SLCO3A1: variants seen among roughly 807,000 people sequenced by gnomAD.
SLCO3A1 encodes PGE1 transporter.
A neutral mutation model predicts 63.1 loss-of-function variants in SLCO3A1; 27 were observed. That is an observed-to-expected ratio of 0.43 (90% CI 0.32 to 0.59). The LOEUF is 0.59. Ranked by LOEUF, SLCO3A1 falls within the 20% of genes least tolerant of loss-of-function variation. SLCO3A1 has a pLI of 0.09. For missense variants in SLCO3A1, 773 were observed against 945.8 expected, an observed-to-expected ratio of 0.82 and a Z score of 2.40; for synonymous variants, 473 against 409.9, an observed-to-expected ratio of 1.15 and a Z score of -1.86.
chr15:92,131,855 G>A (rs1291663199), intron 7 of SLCO3A1, among the ~76,000 whole-genome samples: 1 of 146,142 alleles, frequency 6.8e-6, no homozygotes, highest in East Asian at 1.9e-4. Context: ...CCAGGGCTGT[G>A]TTAGTGCCCT....
chr15:92,044,375 T>G (rs1367913431), intron 2 of SLCO3A1, among the ~76,000 whole-genome samples: 1 of 152,176 alleles, frequency 6.6e-6, no homozygotes, highest in East Asian at 1.9e-4. Context: ...GCAGGCATAT[T>G]CTGTCTGCTA....
At chr15:92,099,056 C>T (rs1459191607) in intron 3 of SLCO3A1, among the ~76,000 whole-genome samples, 1 of 152,262 alleles carries the variant, frequency 6.6e-6, no homozygotes, top group African/African-American at 2.4e-5. Flanking sequence ...CGGCTCCCTT[C>T]CATGGACAAA....
rs997401988 is a variant in SLCO3A1 at position 91,875,927 on chromosome 15, G to A, written c.180+21839G>A. Reference sequence around the variant, plus strand: ...GCAAAGCCTAAAATAGCTGCTATCTGGCCTTTACAGAAAAGGTTTGCTACC... The same window carrying A: ...GCAAAGCCTAAAATAGCTGCTATCTAGCCTTTACAGAAAAGGTTTGCTACC... On this transcript the variant is annotated intron_variant, in intron 1 of 9. Transcript: ENST00000318445. The surrounding 1 kb of genome is among the most constrained non-coding windows in gnomAD (Gnocchi z 4.5). Among the ~76,000 whole-genome samples, 2 of 152,068 alleles carry A rather than the reference G, an allele frequency of 1.3e-5. No individual in the cohort carries two copies. Among genetic ancestry groups the A allele is most frequent in the East Asian group, 1.9e-4 (1 of 5,186 alleles).
chr15:91,920,354 A>C (rs946759221), intron 2 of SLCO3A1, among the ~76,000 whole-genome samples: 2 of 152,198 alleles, frequency 1.3e-5, no homozygotes, highest in Non-Finnish European at 2.9e-5. Flanking sequence ...TGGGCATACA[A>C]ATTGCAGCAG....
intron 1 of SLCO3A1, among the ~76,000 whole-genome samples, chr15:91,881,723 A>G (rs191786165): frequency 1.6e-4 from 24 of 152,300 alleles, no homozygotes; most frequent in Admixed American, 7.8e-4. Flanking sequence ...TGGAGAATGC[A>G]AGTCCCCTGT....
intron 7 of SLCO3A1, among the ~76,000 whole-genome samples, chr15:92,129,260 T>C (rs1242153282): frequency 6.6e-6 from 1 of 152,198 alleles, no homozygotes; most frequent in African/African-American, 2.4e-5. Flanking sequence ...TTCTGTAACA[T>C]AGCAAATGAC....
intron 7 of SLCO3A1, among the ~76,000 whole-genome samples, chr15:92,139,452 C>G (rs1403827513): frequency 6.6e-6 from 1 of 152,120 alleles, no homozygotes; most frequent in Non-Finnish European, 1.5e-5. Context: ...TTGGTTGTGT[C>G]TCTGCCCAGC....
rs765929589 is a variant in SLCO3A1 at position 91,872,215 on chromosome 15, A to T, written c.180+18127A>T. Among the ~76,000 whole-genome samples the T allele has an allele frequency of 6.6e-6, 1 of 152,164 alleles. No homozygotes were observed. Among genetic ancestry groups the T allele is most frequent in the Non-Finnish European group, 1.5e-5 (1 of 68,042 alleles). The stretch of plus-strand genomic sequence containing the variant: ...CATTATTTCTCTTTTCCGTATAAGG[A>T]AATAGGGCTCACTTCTAGAAGTTAA... On this transcript the variant is annotated intron_variant, in intron 1 of 9. Coordinates refer to ENST00000318445, the MANE Select transcript of SLCO3A1 (RefSeq NM_013272.4). This position sits in a 1 kb window ranked among gnomAD's most constrained non-coding sequence, Gnocchi z 4.1.
At chr15:91,958,325 A>G (rs1346783303) in intron 2 of SLCO3A1, among the ~76,000 whole-genome samples, 1 of 152,040 alleles carries the variant, frequency 6.6e-6, no homozygotes. Context: ...TCCAGGATCA[A>G]CCGTACTTCA....
rs138390864 is a variant in SLCO3A1, at chr15:91,910,018, G to C, written c.181-5975G>C. Among the ~76,000 whole-genome samples, 843 of 152,116 alleles carry C rather than the reference G, an allele frequency of 5.5e-3. 11 individuals carry two copies. The highest frequency in any genetic ancestry group is 0.019 in the African/African-American group (805 of 41,498). On this transcript the variant is annotated intron_variant, in intron 1 of 9. Transcript: ENST00000318445. ...GGCTCCTGCTCAAGAACCTCCCTTC[G>C]CTCCCCATTGACCTCTAAATCAAAG...
chr15:92,034,083 G>A (rs147042293), intron 2 of SLCO3A1, among the ~76,000 whole-genome samples: 5 of 146,958 alleles, frequency 3.4e-5, no homozygotes, highest in East Asian at 1.9e-4. Context: ...GCAGAGAAGC[G>A]ACATGGTCTG....
intron 1 of SLCO3A1, among the ~76,000 whole-genome samples, chr15:91,907,821 C>T (rs1898358294): frequency 2.0e-5 from 3 of 152,290 alleles, no homozygotes; most frequent in African/African-American, 7.2e-5. Context: ...TCACCGTGCC[C>T]AGCTCCAATG....
intron 2 of SLCO3A1, among the ~76,000 whole-genome samples, chr15:92,060,853 A>G (rs1443346224): frequency 1.3e-5 from 2 of 152,198 alleles, no homozygotes; most frequent in Non-Finnish European, 2.9e-5. Context: ...ATTTTTGTTA[A>G]AAACTAAGAT....
intron 2 of SLCO3A1, among the ~76,000 whole-genome samples, chr15:91,920,968 G>T (rs563539918): frequency 1.1e-4 from 17 of 152,296 alleles, no homozygotes; most frequent in African/African-American, 3.8e-4. Flanking sequence ...GGGCTGGGGA[G>T]CTCATTACCA....
intron 4 of SLCO3A1, among the ~76,000 whole-genome samples, chr15:92,113,211 G>A (rs531999182): frequency 4.1e-4 from 62 of 152,252 alleles, no homozygotes; most frequent in African/African-American, 1.4e-3. Flanking sequence ...CCAGAGGGAC[G>A]GAAATGACTG....
intron 7 of SLCO3A1, among the ~76,000 whole-genome samples, chr15:92,135,590 T>C (rs1341085584): frequency 6.6e-6 from 1 of 152,144 alleles, no homozygotes; most frequent in Non-Finnish European, 1.5e-5. Context: ...GTTGAACCAA[T>C]GAAGTGAAGA....
chr15:91,997,315 C>T (rs1314220405), intron 2 of SLCO3A1, among the ~76,000 whole-genome samples: 3 of 152,164 alleles, frequency 2.0e-5, no homozygotes, highest in Admixed American at 1.3e-4. Context: ...TGAAAGATCT[C>T]TAGAAGGAAA....
intron 1 of SLCO3A1, among the ~76,000 whole-genome samples, chr15:91,903,438 A>G (rs1442071835): frequency 2.0e-5 from 3 of 152,238 alleles, no homozygotes; most frequent in African/African-American, 7.2e-5. Flanking sequence ...CGGGCACTTC[A>G]GGAACGGACA....
chr15:91,990,121 A>G (rs2046107790), intron 2 of SLCO3A1, among the ~76,000 whole-genome samples: 1 of 152,222 alleles, frequency 6.6e-6, no homozygotes, highest in African/African-American at 2.4e-5. Context: ...TGGTGCTTTA[A>G]GATGAGGGAA....
Sources: allele counts gnomAD v4.1 joint callset (sites outside exome capture counted in the v4.1 genomes callset), GRCh38; gene constraint gnomAD v4.1.1; non-coding constraint Gnocchi (gnomAD v3.1); transcripts MANE v1.5; gene names NCBI Gene and HGNC (gene_info 2026-07-23, HGNC 2026-07-21).